Variants in CCSER1 observed in about 807,000 individuals in gnomAD.
The protein encoded by CCSER1 is coiled-coil serine rich protein 1.
CCSER1 carries 41 observed loss-of-function variants against 82.0 expected under a neutral mutation model. The observed-to-expected ratio is 0.50, with a 90% CI of 0.39 to 0.65. CCSER1 has a LOEUF of 0.65. Among genes scored for constraint, CCSER1 ranks in the 30% least tolerant of loss-of-function variants. The pLI is 0.00. For synonymous variants in CCSER1, 414 were observed against 383.9 expected (o/e 1.08, Z -0.92); for missense variants, 1,119 against 1,064.2 (o/e 1.05, Z -0.72).
At chr4:91,274,054 C>G (rs1374229442) in intron 10 of CCSER1, among the ~76,000 whole-genome samples, 1 of 152,054 alleles carries the variant, frequency 6.6e-6, no homozygotes, top group Non-Finnish European at 1.5e-5. Flanking sequence ...ATAAGAAAGT[C>G]TAAAATAAAG....
chr4:90,329,220 A>G (rs1379519260), intron 3 of CCSER1, among the ~76,000 whole-genome samples: 1 of 152,114 alleles, frequency 6.6e-6, no homozygotes, highest in African/African-American at 2.4e-5. Flanking sequence ...AGTACATGGT[A>G]TGATGAAAAG....
At chr4:91,090,536 C>A (rs998599262) in intron 10 of CCSER1, among the ~76,000 whole-genome samples, 1 of 152,172 alleles carries the variant, frequency 6.6e-6, no homozygotes, top group African/African-American at 2.4e-5. Flanking sequence ...TCTAGCTATG[C>A]AATATTGTCC....
chr4:90,998,307 G>A (rs1376998652), intron 9 of CCSER1, among the ~76,000 whole-genome samples: 2 of 151,848 alleles, frequency 1.3e-5, no homozygotes, highest in African/African-American at 4.8e-5. Flanking sequence ...CTCAAACTCC[G>A]GACCTCAGGT....
chr4:91,078,210 C>A (rs1030126678), intron 9 of CCSER1, among the ~76,000 whole-genome samples: 1 of 152,138 alleles, frequency 6.6e-6, no homozygotes, highest in Non-Finnish European at 1.5e-5. Flanking sequence ...CCTACTAACA[C>A]CTCATAAGGC....
At chr4:91,133,867 G>A (rs552564042) in intron 10 of CCSER1, among the ~76,000 whole-genome samples, 6 of 152,262 alleles carry the variant, frequency 3.9e-5, no homozygotes, top group African/African-American at 4.8e-5. Context: ...TTGGGAGGCC[G>A]AGGCAGGCGG....
intron 10 of CCSER1, among the ~76,000 whole-genome samples, chr4:91,320,369 T>C (rs1746113945): frequency 6.6e-6 from 1 of 152,064 alleles, no homozygotes; most frequent in African/African-American, 2.4e-5. Flanking sequence ...AGGCGACTAC[T>C]GTATATGGCT....
At chr4:90,650,614 C>G (rs1429588237) in intron 6 of CCSER1, among the ~76,000 whole-genome samples, 5 of 152,170 alleles carry the variant, frequency 3.3e-5, no homozygotes, top group African/African-American at 4.8e-5. Context: ...TAATATGTTA[C>G]CCCACTTTAC....
At chr4:91,073,303 G>T (rs1467129632) in intron 9 of CCSER1, among the ~76,000 whole-genome samples, 1 of 151,844 alleles carries the variant, frequency 6.6e-6, no homozygotes, top group African/African-American at 2.4e-5. Flanking sequence ...TAGCCTAGGG[G>T]GTGAATATTT....
At chr4:91,343,557 A>C (rs1012328507) in intron 10 of CCSER1, among the ~76,000 whole-genome samples, 2 of 152,164 alleles carry the variant, frequency 1.3e-5, no homozygotes, top group Non-Finnish European at 2.9e-5. Flanking sequence ...ACTAAGTTGG[A>C]TTATACCAGA....
chr4:90,736,220 C>T lies in CCSER1; in HGVS notation c.2010+12229C>T, dbSNP rs1003224446. 2.6e-4 allele frequency among the ~76,000 whole-genome samples: 39 copies of T among 152,046 alleles called. 1 individual carries two copies. The highest frequency in any genetic ancestry group is 2.1e-3 in the Admixed American group (32 of 15,270). On this transcript the variant is annotated intron_variant, in intron 7 of 10. Transcript: ENST00000509176. ...ATGTTCTGTAAATATCTGTTAGGTC[C>T]ATTTGGCCTGTTGTCCAGATTAAGT... is the stretch of plus-strand genomic sequence containing the variant.
intron 4 of CCSER1, among the ~76,000 whole-genome samples, chr4:90,400,630 T>C (rs533516425): frequency 9.0e-4 from 137 of 152,204 alleles, no homozygotes; most frequent in African/African-American, 3.2e-3. Context: ...CATAAACATA[T>C]ACACACACAT....
At chr4:91,534,364 A>C (rs1761192826) in intron 10 of CCSER1, among the ~76,000 whole-genome samples, 1 of 151,976 alleles carries the variant, frequency 6.6e-6, no homozygotes, top group African/African-American at 2.4e-5. Context: ...ATGTATCTAA[A>C]TTTAATGTTC....
At chr4:90,547,529 C>T (rs1776918355) in intron 5 of CCSER1, among the ~76,000 whole-genome samples, 1 of 151,634 alleles carries the variant, frequency 6.6e-6, no homozygotes, top group African/African-American at 2.4e-5. Flanking sequence ...GTCTTATGGA[C>T]TAGGTAAACT....
At chr4:91,471,834 G>C (rs150375693) in intron 10 of CCSER1, among the ~76,000 whole-genome samples, 1 of 151,716 alleles carries the variant, frequency 6.6e-6, no homozygotes, top group African/African-American at 2.4e-5. Flanking sequence ...GCCGGGCATA[G>C]TGGCGGGCGC....
chr4:90,672,742 G>A (rs1228648905), intron 6 of CCSER1, among the ~76,000 whole-genome samples: 3 of 151,946 alleles, frequency 2.0e-5, no homozygotes, highest in East Asian at 1.9e-4. Flanking sequence ...GAGAGAAATT[G>A]TAACTCTTCC....
At chr4:90,755,402 C>T (rs545397407) in intron 7 of CCSER1, among the ~76,000 whole-genome samples, 2 of 152,234 alleles carry the variant, frequency 1.3e-5, no homozygotes, top group African/African-American at 4.8e-5. Flanking sequence ...ACCTGCCATC[C>T]CATCTAGCAG....
At chr4:90,606,320 T>C (rs191092480) in intron 5 of CCSER1, among the ~76,000 whole-genome samples, 1 of 152,314 alleles carries the variant, frequency 6.6e-6, no homozygotes, top group East Asian at 1.9e-4. Context: ...CTAGATGATA[T>C]AGACTACTAC....
intron 10 of CCSER1, among the ~76,000 whole-genome samples, chr4:91,175,284 T>C (rs1466708714): frequency 6.6e-6 from 1 of 152,126 alleles, no homozygotes; most frequent in Non-Finnish European, 1.5e-5. Context: ...AATAAACATA[T>C]GTATGCATGT....
At chr4:91,552,511 G>C (rs1283913668) in intron 10 of CCSER1, among the ~76,000 whole-genome samples, 1 of 151,568 alleles carries the variant, frequency 6.6e-6, no homozygotes, top group African/African-American at 2.4e-5. Flanking sequence ...AGGATGGGTG[G>C]TATGCTTCTT....
Sources: allele counts gnomAD v4.1 joint callset (sites outside exome capture counted in the v4.1 genomes callset), GRCh38; gene constraint gnomAD v4.1.1; transcripts MANE v1.5; gene names NCBI Gene and HGNC (gene_info 2026-07-23, HGNC 2026-07-21).